The following INTS6 variants were observed in gnomAD, a reference collection of about 807,000 sequenced individuals.
INTS6 encodes the protein DEAD box protein.
INTS6 carries 16 observed loss-of-function variants against 104.9 expected under a neutral mutation model. That is an observed-to-expected ratio of 0.15 (90% CI 0.10 to 0.23). INTS6 has a LOEUF of 0.23. Ranked by LOEUF, INTS6 falls within the 10% of genes least tolerant of loss-of-function variation. INTS6 has a pLI of 1.00. For missense variants in INTS6, 584 were observed against 1,062.8 expected (o/e 0.55, Z 6.26); for synonymous variants, 324 against 358.7 (o/e 0.90, Z 1.09).
chr13:51,390,557 T>C (rs547087149), intron 5 of INTS6, among the ~76,000 whole-genome samples: 2 of 152,140 alleles, frequency 1.3e-5, no homozygotes, highest in East Asian at 3.9e-4. Context: ...TTATTTGTAA[T>C]AAGCTCAATA....
chr13:51,341,372 C>A, the INTS6 span: 1 of 1,553,584 alleles, frequency 6.4e-7, no homozygotes, highest in Admixed American at 1.9e-5. Context: ...CACGTGCACA[C>A]TCACTTACCC....
chr13:51,378,749 C>T (rs1161953084), intron 11 of INTS6, among the ~76,000 whole-genome samples: 1 of 151,922 alleles, frequency 6.6e-6, no homozygotes, highest in Non-Finnish European at 1.5e-5. Context: ...TATAAATGCA[C>T]ACTAAACAAA....
At chr13:51,382,770 A>T (rs1157991507) in intron 9 of INTS6, among the ~76,000 whole-genome samples, 5 of 152,210 alleles carry the variant, frequency 3.3e-5, no homozygotes, top group South Asian at 4.1e-4. Flanking sequence ...ATATTTAATT[A>T]AAAAATTTAA....
chr13:51,436,003 GATT>G (rs1403450874), intron 3 of INTS6, among the ~76,000 whole-genome samples: 3 of 152,030 alleles, frequency 2.0e-5, no homozygotes, highest in Admixed American at 6.5e-5. Flanking sequence ...ATTTCAGTAA[GATT>G]ATTATTTTTA....
At chr13:51,370,910 G>T (rs1955790930) in intron 15 of INTS6, among the ~76,000 whole-genome samples, 1 of 152,108 alleles carries the variant, frequency 6.6e-6, no homozygotes, top group Admixed American at 6.5e-5. Context: ...CCCTAGCTCA[G>T]AACTCCCAAC....
intron 7 of INTS6, among the ~76,000 whole-genome samples, chr13:51,385,704 T>C (rs1007643390): frequency 6.6e-6 from 1 of 152,198 alleles, no homozygotes; most frequent in Non-Finnish European, 1.5e-5. Flanking sequence ...TTCTTCAATA[T>C]TGTAATTTAT....
Position 51,452,613 on chromosome 13 carries a change from C to T in INTS6, c.-88G>A. 3.2e-6 allele frequency: 5 copies of T among 1,546,934 alleles called. No individual in the cohort carries two copies. The highest frequency in any genetic ancestry group is 4.4e-6 in the Non-Finnish European group (5 of 1,143,930). On this transcript the variant is annotated 5_prime_UTR_variant, in exon 1 of 18. Coordinates refer to ENST00000311234, the MANE Select transcript of INTS6 (RefSeq NM_012141.3). This position sits in a 1 kb window ranked among gnomAD's most constrained non-coding sequence, Gnocchi z 4.2. The stretch of plus-strand genomic sequence containing the variant: ...GCGCCGGTGGCGGCGACCGCCGCTA[C>T]GCGGGGCGGGGGAGCACGGCCCCCG...
At chr13:51,393,926 ATTC>A (rs1340754862) in intron 5 of INTS6, among the ~76,000 whole-genome samples, 1 of 152,158 alleles carries the variant, frequency 6.6e-6, no homozygotes. Flanking sequence ...GTTCATCATC[ATTC>A]TAAGTTCAAA....
chr13:51,428,491 A>AT lies in INTS6; in HGVS notation c.429+1802dup, dbSNP rs1250383274. ...AGGTGTGCGCCACCACGCCCAGCTA[A>AT]TTTTTTTGTATTTTTGGTAGAGACA... On this transcript the variant is annotated intron_variant, in intron 4 of 17. Coordinates refer to ENST00000311234, the MANE Select transcript of INTS6 (RefSeq NM_012141.3). 4.0e-5 allele frequency among the ~76,000 whole-genome samples: 6 copies of AT among 151,594 alleles called. No homozygotes were observed. In the East Asian group the frequency reaches 1.2e-3, roughly 29 times the overall value.
intron 5 of INTS6, among the ~76,000 whole-genome samples, chr13:51,391,685 A>C (rs944121399): frequency 6.6e-6 from 1 of 152,188 alleles, no homozygotes; most frequent in Non-Finnish European, 1.5e-5. Context: ...TAGAGTCCAC[A>C]AAAAAGTCAA....
chr13:51,351,826 G>C (rs917420973), downstream of INTS6, among the ~76,000 whole-genome samples: 1 of 151,972 alleles, frequency 6.6e-6, no homozygotes, highest in African/African-American at 2.4e-5. Flanking sequence ...TATAGTATGA[G>C]GTAGGGATTC....
At chr13:51,404,063 TACACACACACACAC>T (rs71085082) in intron 4 of INTS6, among the ~76,000 whole-genome samples, 31 of 109,640 alleles carry the variant, frequency 2.8e-4, no homozygotes, top group Middle Eastern at 4.4e-3. Context: ...TCTCTACAAA[TACACACACACACAC>T]ACACACACAC....
chr13:51,402,972 G>A (rs1253083745), intron 4 of INTS6, among the ~76,000 whole-genome samples: 3 of 152,170 alleles, frequency 2.0e-5, no homozygotes, highest in Non-Finnish European at 4.4e-5. Context: ...CATAAACACA[G>A]CACGATTTCA....
intron 10 of INTS6, among the ~76,000 whole-genome samples, chr13:51,381,184 T>A (rs1211230460): frequency 6.6e-6 from 1 of 152,226 alleles, no homozygotes; most frequent in East Asian, 1.9e-4. Context: ...CCATTTTATA[T>A]GAGGGACTTG....
At chr13:51,406,924 A>T (rs1379554371) in intron 4 of INTS6, among the ~76,000 whole-genome samples, 1 of 148,046 alleles carries the variant, frequency 6.8e-6, no homozygotes, top group Non-Finnish European at 1.5e-5. Context: ...TTAGCTCATC[A>T]GCTATCATTA....
rs1593683665 is a variant in INTS6 at position 51,382,254 on chromosome 13, T to C, written c.1181-131A>G. On this transcript the variant is annotated intron_variant, in intron 9 of 17. Coordinates refer to ENST00000311234, the MANE Select transcript of INTS6 (RefSeq NM_012141.3). ...GAGTAACATCAGACGTTTTTTAACA[T>C]GAAAGTAAGATTTACGGTTTTGTCA... The C allele has an allele frequency of 1.2e-5, 6 of 481,232 alleles. No individual in the cohort carries two copies. In the East Asian group the frequency reaches 2.4e-4, roughly 19 times the overall value. The allele number at this position is 481,232 out of a possible 1,614,324, so 29.8% of individuals were successfully genotyped here. A position where few individuals can be genotyped will look rare whatever the true frequency, so the allele number is the denominator to read the frequency against.
intron 10 of INTS6, among the ~76,000 whole-genome samples, chr13:51,380,211 AAAC>A (rs1566212281): frequency 6.6e-6 from 1 of 152,274 alleles, no homozygotes; most frequent in East Asian, 1.9e-4. Flanking sequence ...CAGGAGGAAA[AAAC>A]AATCTAATAT....
At chr13:51,449,007 T>G (rs1180182510) in intron 3 of INTS6, 1 of 152,240 alleles carries the variant, frequency 6.6e-6, no homozygotes, top group Non-Finnish European at 1.5e-5. Flanking sequence ...CATTTATCCT[T>G]GTTGTGAATA....
rs189054322 is a variant in INTS6, at chr13:51,391,566, A to G, written c.614-2122T>C. On this transcript the variant is annotated intron_variant, in intron 5 of 17. Coordinates refer to ENST00000311234, the MANE Select transcript of INTS6 (RefSeq NM_012141.3). ...TCAAAACTTACTCCTTGGGATATAC[A>G]ACACTTTGTGCTAATGCATAAAGTT... is the stretch of plus-strand genomic sequence containing the variant. Among the ~76,000 whole-genome samples, 30 of 152,338 alleles carry G rather than the reference A, an allele frequency of 2.0e-4. No homozygotes were observed. In the East Asian group the frequency reaches 4.8e-3, roughly 24 times the overall value.
Sources: allele counts gnomAD v4.1 joint callset (sites outside exome capture counted in the v4.1 genomes callset), GRCh38; gene constraint gnomAD v4.1.1; non-coding constraint Gnocchi (gnomAD v3.1); transcripts MANE v1.5; gene names NCBI Gene and HGNC (gene_info 2026-07-23, HGNC 2026-07-21).